IMMP1L: variants seen among roughly 807,000 people sequenced by gnomAD.
IMMP1L encodes mitochondrial inner membrane protease subunit 1.
IMMP1L carries 24 observed loss-of-function variants against 21.8 expected under a neutral mutation model. The observed-to-expected ratio is 1.10, with a 90% confidence interval of 0.80 to 1.55. The LOEUF is 1.55. Ranked by LOEUF, IMMP1L falls within the 40% of genes most tolerant of loss-of-function variation. The pLI, the probability that IMMP1L is intolerant of heterozygous loss-of-function variation, is 0.00. For missense variants in IMMP1L, 195 were observed against 200.7 expected, an observed-to-expected ratio of 0.97 and a Z score of 0.17; for synonymous variants, 46 against 62.8, an observed-to-expected ratio of 0.73 and a Z score of 1.26.
intron 1 of IMMP1L, among the ~76,000 whole-genome samples, chr11:31,468,697 A>G (rs1954446149): frequency 6.6e-6 from 1 of 152,208 alleles, no homozygotes; most frequent in Non-Finnish European, 1.5e-5. Context: ...TGGGGCAGAT[A>G]TCATAGATAC....
chr11:31,436,061 G>C (rs1327828667), intron 4 of IMMP1L, among the ~76,000 whole-genome samples: 1 of 152,050 alleles, frequency 6.6e-6, no homozygotes, highest in Admixed American at 6.6e-5. Flanking sequence ...CCAGTGAATA[G>C]TCTGTGCCTA....
At chr11:31,459,309 G>C in intron 3 of IMMP1L, among the ~76,000 whole-genome samples, 1 of 152,140 alleles carries the variant, frequency 6.6e-6, no homozygotes, top group East Asian at 1.9e-4. Context: ...ATAGGTTATA[G>C]CAAAGGTGAA....
At chr11:31,468,133 T>C (rs1266982862) in intron 1 of IMMP1L, among the ~76,000 whole-genome samples, 1 of 152,074 alleles carries the variant, frequency 6.6e-6, no homozygotes. Flanking sequence ...AAATCTTGAA[T>C]TGGATCCTGG....
chr11:31,494,544 G>C (rs1955369222), intron 1 of IMMP1L, among the ~76,000 whole-genome samples: 1 of 152,168 alleles, frequency 6.6e-6, no homozygotes, highest in Non-Finnish European at 1.5e-5. Flanking sequence ...GATTAACACT[G>C]GGCTCCTTGT....
chr11:31,447,182 G>A (rs1953555931), intron 4 of IMMP1L, among the ~76,000 whole-genome samples: 1 of 152,192 alleles, frequency 6.6e-6, no homozygotes, highest in Non-Finnish European at 1.5e-5. Context: ...AAAGTTGAGA[G>A]GTTAATGTCT....
At chr11:31,488,024 T>C (rs2133777693) in intron 1 of IMMP1L, among the ~76,000 whole-genome samples, 1 of 152,278 alleles carries the variant, frequency 6.6e-6, no homozygotes, top group Non-Finnish European at 1.5e-5. Context: ...GTGCCAACTT[T>C]ACAAAATTAC....
chr11:31,508,024 C>G (rs1395462839), intron 1 of IMMP1L, among the ~76,000 whole-genome samples: 1 of 152,040 alleles, frequency 6.6e-6, no homozygotes, highest in African/African-American at 2.4e-5. Context: ...GGTGGGGGGA[C>G]AGAGAGCATC....
At chr11:31,453,165 A>G in intron 4 of IMMP1L, 1 of 1,186,568 alleles carries the variant, frequency 8.4e-7, no homozygotes, top group African/African-American at 1.6e-5. Flanking sequence ...GGAATGGAAA[A>G]CAAACAAACA....
intron 1 of IMMP1L, among the ~76,000 whole-genome samples, chr11:31,479,732 T>C (rs1389774207): frequency 6.6e-6 from 1 of 152,034 alleles, no homozygotes; most frequent in Non-Finnish European, 1.5e-5. Context: ...GCTGATTATG[T>C]GATTCATATT....
chr11:31,460,909 A>C (rs1356805296), intron 2 of IMMP1L, among the ~76,000 whole-genome samples, 195 bp from the exon 3 acceptor site: 1 of 152,182 alleles, frequency 6.6e-6, no homozygotes, highest in Non-Finnish European at 1.5e-5. Flanking sequence ...AGACAAATAC[A>C]TTATAAATGG....
intron 3 of IMMP1L, among the ~76,000 whole-genome samples, chr11:31,459,335 GC>G (rs1180271624): frequency 6.6e-6 from 1 of 152,090 alleles, no homozygotes; most frequent in African/African-American, 2.4e-5. Context: ...AAAGAGAAGT[GC>G]CTAAACCTAC....
chr11:31,448,469 AC>A (rs1267579481), intron 4 of IMMP1L, among the ~76,000 whole-genome samples: 3 of 152,188 alleles, frequency 2.0e-5, no homozygotes, highest in Admixed American at 2.0e-4. Context: ...TTTGCAAATG[AC>A]TTTTAAGCAA....
At chr11:31,444,291 G>A (rs1771063086) in intron 4 of IMMP1L, among the ~76,000 whole-genome samples, 1 of 152,194 alleles carries the variant, frequency 6.6e-6, no homozygotes, top group Non-Finnish European at 1.5e-5. Context: ...ACATTTGCCA[G>A]TGTGAATTAT....
At chr11:31,463,367 T>C in intron 1 of IMMP1L, 62 bp from the exon 2 acceptor site, 1 of 1,366,668 alleles carries the variant, frequency 7.3e-7, no homozygotes, top group South Asian at 2.0e-5. Context: ...AAGAAATAAC[T>C]ATTGTAAAAT....
intron 1 of IMMP1L, among the ~76,000 whole-genome samples, chr11:31,505,983 G>A (rs577580608): frequency 3.9e-5 from 6 of 152,090 alleles, no homozygotes; most frequent in Non-Finnish European, 8.8e-5. Context: ...AGTTTGGGAG[G>A]GGTCAAAAGT....
intron 3 of IMMP1L, among the ~76,000 whole-genome samples, chr11:31,459,957 G>C (rs771514349): frequency 6.6e-6 from 1 of 152,044 alleles, no homozygotes; most frequent in Non-Finnish European, 1.5e-5. Context: ...AGGAGTTTGA[G>C]ACCAGCCTGG....
intron 4 of IMMP1L, among the ~76,000 whole-genome samples, chr11:31,449,434 T>C (rs894454668): frequency 6.6e-6 from 1 of 152,210 alleles, no homozygotes; most frequent in African/African-American, 2.4e-5. Flanking sequence ...CATTTTGTAA[T>C]GCTAATTAGT....
chr11:31,481,011 A>G (rs929950951), intron 1 of IMMP1L, among the ~76,000 whole-genome samples: 6 of 152,144 alleles, frequency 3.9e-5, no homozygotes, highest in African/African-American at 9.7e-5. Context: ...TGGAATGAAG[A>G]TTCAAACTGC....
At position 31,444,588 on chromosome 11, in the gene IMMP1L, C is replaced by CT. The variant is rs1219601245; in HGVS notation, c.322-11019dup. On this transcript the variant is annotated intron_variant, in intron 4 of 5. Transcript: ENST00000532287. ...AGCAGTAAAAACTAACATTTCTATT[C>CT]TTTTTTTTTTTTTTTTTCTGAGACA... 8.6e-3 allele frequency among the ~76,000 whole-genome samples: 1,115 copies of CT among 130,392 alleles called. 7 individuals carry two copies. Among genetic ancestry groups the CT allele is most frequent in the Middle Eastern group, 0.012 (3 of 248 alleles). The allele number at this position is 130,392 out of a possible 152,430, so 85.5% of individuals were successfully genotyped here.
Sources: gnomAD v4.1 joint callset for allele counts (sites outside exome capture counted in the v4.1 genomes callset) on GRCh38, gnomAD v4.1.1 for gene constraint, MANE v1.5 for transcripts, NCBI Gene and HGNC (gene_info 2026-07-23, HGNC 2026-07-21) for gene names.